CPNE4: variants seen among roughly 807,000 people sequenced by gnomAD.
CPNE4 encodes the protein copine 4.
In CPNE4, 25 loss-of-function variants were observed where a neutral mutation model predicts 67.9. The ratio of observed to expected loss-of-function variants is 0.37; its 90% CI spans 0.27 to 0.51. The LOEUF (loss-of-function observed/expected upper bound fraction) is 0.51. Ranked by LOEUF, CPNE4 falls within the 20% of genes least tolerant of loss-of-function variation. CPNE4 has a pLI of 0.93. For synonymous variants in CPNE4, 242 were observed against 244.9 expected (o/e 0.99, Z 0.11); for missense variants, 464 against 690.8 (o/e 0.67, Z 3.68).
intron 1 of CPNE4, among the ~76,000 whole-genome samples, chr3:131,979,256 T>G (rs2072839713): frequency 6.6e-6 from 1 of 152,190 alleles, no homozygotes; most frequent in African/African-American, 2.4e-5. Flanking sequence ...TTTGTCTTGA[T>G]GACATGTCTA....
At chr3:131,819,839 CAAT>C (rs1560392001) in intron 2 of CPNE4, among the ~76,000 whole-genome samples, 1 of 152,152 alleles carries the variant, frequency 6.6e-6, no homozygotes, top group Non-Finnish European at 1.5e-5. Context: ...CCAACCTAAA[CAAT>C]GATGTGGAAA....
At chr3:131,615,754 T>C (rs565047524) in intron 7 of CPNE4, among the ~76,000 whole-genome samples, 38 of 152,184 alleles carry the variant, frequency 2.5e-4, no homozygotes, top group African/African-American at 9.2e-4. Context: ...AACATCTGCA[T>C]GCCCATAATC....
intron 11 of CPNE4, among the ~76,000 whole-genome samples, chr3:131,563,321 A>G (rs1347214091): frequency 1.3e-5 from 2 of 152,022 alleles, no homozygotes; most frequent in Non-Finnish European, 2.9e-5. Context: ...CACACCAGGG[A>G]GTTAACTGAG....
At chr3:131,573,117 A>C (rs1285824559) in intron 10 of CPNE4, among the ~76,000 whole-genome samples, 1 of 152,140 alleles carries the variant, frequency 6.6e-6, no homozygotes, top group Non-Finnish European at 1.5e-5. Context: ...AACACTGGGA[A>C]TAGAATACCT....
Position 131,977,356 on chromosome 3 carries a change from A to G in CPNE4, c.-2+57211T>C, listed in dbSNP as rs894117707. Among the ~76,000 whole-genome samples the G allele has an allele frequency of 2.6e-5, 4 of 152,274 alleles. No individual in the cohort carries two copies. In the South Asian group the frequency reaches 6.2e-4, roughly 24 times the overall value. ...CCATTTTGTTGTCACAGTAATAAAC[A>G]AGATACAGTAATAATTAGCTATGAC... is the stretch of plus-strand genomic sequence containing the variant. On this transcript the variant is annotated intron_variant, in intron 1 of 15. Coordinates refer to ENST00000429747, the MANE Select transcript of CPNE4 (RefSeq NM_130808.3).
chr3:131,775,531 T>A (rs534627514), intron 2 of CPNE4, among the ~76,000 whole-genome samples: 9 of 152,226 alleles, frequency 5.9e-5, no homozygotes, highest in African/African-American at 1.9e-4. Flanking sequence ...GGTAATTGAA[T>A]CATGGGGGCT....
intron 2 of CPNE4, among the ~76,000 whole-genome samples, chr3:131,759,642 A>G (rs904738713): frequency 6.6e-6 from 1 of 152,176 alleles, no homozygotes; most frequent in African/African-American, 2.4e-5. Flanking sequence ...AAAATTATGG[A>G]ACTGCAATCA....
At position 131,698,258 on chromosome 3, in the gene CPNE4, G is replaced by T. The variant is rs912196720; in HGVS notation, c.433-1642C>A. On this transcript the variant is annotated intron_variant, in intron 4 of 15. Coordinates refer to ENST00000429747, the MANE Select transcript of CPNE4 (RefSeq NM_130808.3). ...CAAAAAAAAAAAAAAAAAAAAGAAA[G>T]AAAAGAAAAAGATCAAACTTTTCTT... is the stretch of plus-strand genomic sequence containing the variant. Among the ~76,000 whole-genome samples the T allele has an allele frequency of 4.3e-4, 41 of 95,198 alleles. 1 individual carries two copies. Among genetic ancestry groups the T allele is most frequent in the African/African-American group, 1.6e-3 (40 of 25,396 alleles). The allele number at this position is 95,198 out of a possible 152,430, so 62.5% of individuals were successfully genotyped here.
At chr3:131,675,800 A>C (rs1210808282) in intron 6 of CPNE4, among the ~76,000 whole-genome samples, 1 of 151,632 alleles carries the variant, frequency 6.6e-6, no homozygotes. Context: ...CATTACATTC[A>C]ATGTTATTAT....
At chr3:131,846,045 C>T (rs2085984525) in intron 2 of CPNE4, among the ~76,000 whole-genome samples, 1 of 152,150 alleles carries the variant, frequency 6.6e-6, no homozygotes, top group Non-Finnish European at 1.5e-5. Context: ...GTCAATAGCA[C>T]AAGGTGTGAA....
At chr3:131,625,194 C>T (rs958246397) in intron 7 of CPNE4, among the ~76,000 whole-genome samples, 15 of 152,150 alleles carry the variant, frequency 9.9e-5, no homozygotes, top group African/African-American at 3.6e-4. Flanking sequence ...ACACTCCTCC[C>T]CTCAAACATC....
At chr3:131,998,704 T>C (rs1161574080) in intron 1 of CPNE4, among the ~76,000 whole-genome samples, 2 of 96,304 alleles carry the variant, frequency 2.1e-5, no homozygotes, top group Non-Finnish European at 4.2e-5. Context: ...TGTTGGGTAC[T>C]GAGGATACAG....
rs201910927 is a variant in CPNE4, at chr3:131,738,604, GT to G, written c.181-14980del. Among the ~76,000 whole-genome samples, 1,222 of 145,866 alleles carry G rather than the reference GT, an allele frequency of 8.4e-3. 12 individuals carry two copies. The highest frequency in any genetic ancestry group is 0.014 in the Middle Eastern group (4 of 290). The stretch of plus-strand genomic sequence containing the variant: ...TTCTATACCTGATTTTAAATATGGG[GT>G]TTTTGGTTTTGTGGGTTTTTTGTTT... On this transcript the variant is annotated intron_variant, in intron 2 of 15. Transcript: ENST00000429747.
intron 1 of CPNE4, among the ~76,000 whole-genome samples, chr3:131,958,469 AG>A (rs2072046273): frequency 6.6e-6 from 1 of 152,160 alleles, no homozygotes; most frequent in South Asian, 2.1e-4. Context: ...CAAGCTCCCT[AG>A]GCGATTCTGA....
At chr3:131,989,413 G>C (rs1449327905) in intron 1 of CPNE4, among the ~76,000 whole-genome samples, 1 of 85,580 alleles carries the variant, frequency 1.2e-5, no homozygotes, top group African/African-American at 2.8e-5. Context: ...AAACACTGTA[G>C]GTGAGTAAAC....
At chr3:131,793,064 T>C (rs2083821232) in intron 2 of CPNE4, among the ~76,000 whole-genome samples, 2 of 152,114 alleles carry the variant, frequency 1.3e-5, no homozygotes, top group Non-Finnish European at 2.9e-5. Flanking sequence ...AAAATTCTGT[T>C]GGTCATTCGT....
chr3:131,854,370 T>TCCTCAAGAA (rs1277592074), intron 2 of CPNE4, among the ~76,000 whole-genome samples: 2 of 151,818 alleles, frequency 1.3e-5, no homozygotes, highest in Non-Finnish European at 2.9e-5. Context: ...AAGAAGAGCT[T>TCCTCAAGAA]GTAAGGGGAA....
In CPNE4 at chr3:131,887,471, G is replaced by A. The variant is rs140574230; in HGVS notation, c.180+17793C>T. On this transcript the variant is annotated intron_variant, in intron 2 of 15. Coordinates refer to ENST00000429747, the MANE Select transcript of CPNE4 (RefSeq NM_130808.3). ...TCTCTGAATCTCAGTTCTCTCATCT[G>A]TAGAATGGCAATGAAAATACTGACC... Among the ~76,000 whole-genome samples the A allele has an allele frequency of 7.9e-3, 1,199 of 152,270 alleles. 16 individuals carry two copies. Among genetic ancestry groups the A allele is most frequent in the African/African-American group, 0.027 (1,142 of 41,554 alleles).
chr3:131,896,742 C>T (rs1025598089), intron 2 of CPNE4, among the ~76,000 whole-genome samples: 6 of 152,168 alleles, frequency 3.9e-5, no homozygotes, highest in African/African-American at 1.4e-4. Flanking sequence ...GTACTTGATA[C>T]CTCCTGGTGC....
Sources: gnomAD v4.1 joint callset for allele counts (sites outside exome capture counted in the v4.1 genomes callset) on GRCh38, gnomAD v4.1.1 for gene constraint, MANE v1.5 for transcripts, NCBI Gene and HGNC (gene_info 2026-07-23, HGNC 2026-07-21) for gene names.